The following CSNK1G1 variants were observed in gnomAD, a reference collection of about 807,000 sequenced individuals.
CSNK1G1 encodes casein kinase 1 gamma 1.
Under a neutral mutation model 59.6 loss-of-function variants are expected in CSNK1G1, and 22 were observed. The observed-to-expected ratio is 0.37, with a 90% CI of 0.26 to 0.53. The LOEUF (loss-of-function observed/expected upper bound fraction) is 0.53, where lower values mean the gene tolerates loss of function less well. CSNK1G1 is among the 20% of genes least tolerant of loss of function. The pLI is 0.89. For missense variants in CSNK1G1, 384 were observed against 519.5 expected, an observed-to-expected ratio of 0.74 and a Z score of 2.54; for synonymous variants, 179 against 177.1, an observed-to-expected ratio of 1.01 and a Z score of -0.08.
chr15:64,316,526 ACT>A (rs1380112013), intron 1 of CSNK1G1, among the ~76,000 whole-genome samples: 4 of 122,278 alleles, frequency 3.3e-5, no homozygotes, highest in Middle Eastern at 7.0e-3. Flanking sequence ...AGAGAGCAAG[ACT>A]CTGTCTCAAA....
chr15:64,233,607 A>G (rs1391472813), intron 4 of CSNK1G1, among the ~76,000 whole-genome samples: 4 of 152,220 alleles, frequency 2.6e-5, no homozygotes, highest in African/African-American at 9.6e-5. Context: ...CAGTATCAGA[A>G]ATGTCCTAAA....
chr15:64,307,250 G>T (rs1412857525), intron 1 of CSNK1G1, among the ~76,000 whole-genome samples: 1 of 151,090 alleles, frequency 6.6e-6, no homozygotes, highest in African/African-American at 2.4e-5. Flanking sequence ...AGTGTTGGGG[G>T]ATATAGGGGA....
chr15:64,219,566 C>T (rs554478067), intron 4 of CSNK1G1, among the ~76,000 whole-genome samples: 6 of 152,124 alleles, frequency 3.9e-5, no homozygotes, highest in Non-Finnish European at 8.8e-5. Flanking sequence ...CCAAGCAATC[C>T]TCCTGCCTCA....
chr15:64,213,966 T>C lies in CSNK1G1; in HGVS notation c.603A>G (p.Lys201=). The C allele has an allele frequency of 1.9e-6, 3 of 1,614,090 alleles. No homozygotes were observed. Among genetic ancestry groups the C allele is most frequent in the Non-Finnish European group, 2.5e-6 (3 of 1,179,934 alleles). The change falls in exon 6 of 12, where the codon AAA becomes AAG. Residue 201 remains lysine, a synonymous_variant. Coordinates refer to ENST00000303052, the MANE Select transcript of CSNK1G1 (RefSeq NM_022048.5). ...TTTTGTGTTCCCTATAAGGTATGTGTTTTTTGGTTTCGGGGTCAATGTATT... is the reference window on the plus strand; with the variant it reads ...TTTTGTGTTCCCTATAAGGTATGTGCTTTTTGGTTTCGGGGTCAATGTATT... ...AKEYIDPETK[K]HIPYREHKSL... is the part of the protein sequence containing the mutation.
chr15:64,310,202 T>G (rs1895916320), intron 1 of CSNK1G1, among the ~76,000 whole-genome samples: 1 of 152,116 alleles, frequency 6.6e-6, no homozygotes, highest in Non-Finnish European at 1.5e-5. Flanking sequence ...AGTCAGCTAT[T>G]TCATTTTTTC....
chr15:64,321,546 C>G (rs2176049), intron 1 of CSNK1G1, among the ~76,000 whole-genome samples: 147,211 of 152,280 alleles, frequency 0.97, 71,316 homozygotes, highest in East Asian at 1. Context: ...TTACAGGCAC[C>G]AGCCATCGCA....
rs1477423151 is a variant in CSNK1G1, at chr15:64,171,266, A to G, written c.*665T>C. 2 of 152,672 alleles carry G rather than the reference A, an allele frequency of 1.3e-5. No individual in the cohort carries two copies. The highest frequency in any genetic ancestry group is 4.8e-5 in the African/African-American group (2 of 41,456). 9.5% of individuals were successfully genotyped at this position (152,672 alleles called of 1,614,324 possible). Reference sequence around the variant, plus strand: ...GAGAAAAGAGTTTGTCAAAAAAGCTAAGAACGCCAACACACAGGGACAGTA... The same window carrying G: ...GAGAAAAGAGTTTGTCAAAAAAGCTGAGAACGCCAACACACAGGGACAGTA... On this transcript the variant is annotated 3_prime_UTR_variant, in exon 12 of 12. Transcript: ENST00000303052. The surrounding 1 kb of genome is among the most constrained non-coding windows in gnomAD (Gnocchi z 4.8).
At chr15:64,352,444 C>CTTTTTTTTTTTTTTTTTTTTTTTT (rs1566958692) in intron 1 of CSNK1G1, among the ~76,000 whole-genome samples, 1 of 79,922 alleles carries the variant, frequency 1.3e-5, no homozygotes, top group Non-Finnish European at 2.7e-5. Flanking sequence ...AATTTGAATT[C>CTTTTTTTTTTTTTTTTTTTTTTTT]TTCTTTTTTT....
In CSNK1G1 at chr15:64,297,823, C is replaced by T. The variant is rs142994418; in HGVS notation, c.181+2496G>A. ...TAGCCATGATGTAGGCTGACTGCAC[C>T]TGCCTTGACTTTGGAATTTTGTAGT... On this transcript the variant is annotated intron_variant, in intron 2 of 11. Transcript: ENST00000303052. 1.8e-3 allele frequency among the ~76,000 whole-genome samples: 277 copies of T among 152,254 alleles called. 1 individual carries two copies. The highest frequency in any genetic ancestry group is 6.0e-3 in the African/African-American group (248 of 41,544).
intron 1 of CSNK1G1, among the ~76,000 whole-genome samples, chr15:64,305,110 C>T (rs1895596437): frequency 6.6e-6 from 1 of 152,050 alleles, no homozygotes; most frequent in Non-Finnish European, 1.5e-5. Flanking sequence ...CTAAGAAACA[C>T]CCCAACAAAT....
At chr15:64,174,718 T>A in intron 11 of CSNK1G1, among the ~76,000 whole-genome samples, 1 of 152,214 alleles carries the variant, frequency 6.6e-6, no homozygotes, top group Middle Eastern at 3.2e-3. Context: ...ACCTTTTCCA[T>A]ATGGCATTCT....
At chr15:64,258,575 A>C (rs2140329001) in intron 3 of CSNK1G1, among the ~76,000 whole-genome samples, 1 of 152,268 alleles carries the variant, frequency 6.6e-6, no homozygotes, top group East Asian at 1.9e-4. Context: ...ATTTCACATG[A>C]AAAAATGGTT....
intron 2 of CSNK1G1, among the ~76,000 whole-genome samples, chr15:64,293,413 C>CA (rs1407133850): frequency 2.0e-5 from 3 of 152,216 alleles, no homozygotes; most frequent in Non-Finnish European, 4.4e-5. Context: ...TTTCCCCTAT[C>CA]AGACTGTCAT....
chr15:64,298,875 CA>C (rs538363993), intron 2 of CSNK1G1, among the ~76,000 whole-genome samples: 377 of 127,416 alleles, frequency 3.0e-3, no homozygotes, highest in Admixed American at 2.9e-3. Context: ...CACAAAAATA[CA>C]AAAAAAAAAA....
chr15:64,339,639 T>G (rs1897586255), intron 1 of CSNK1G1, among the ~76,000 whole-genome samples: 1 of 152,132 alleles, frequency 6.6e-6, no homozygotes, highest in East Asian at 1.9e-4. Flanking sequence ...TCCAGAAAAT[T>G]CCAATACATG....
At chr15:64,311,147 G>A (rs961528201) in intron 1 of CSNK1G1, among the ~76,000 whole-genome samples, 5 of 151,814 alleles carry the variant, frequency 3.3e-5, no homozygotes, top group Admixed American at 1.3e-4. Flanking sequence ...TCCACCTCCC[G>A]GGATTCTCCT....
intron 4 of CSNK1G1, among the ~76,000 whole-genome samples, chr15:64,249,774 T>C (rs1283805146): frequency 2.6e-5 from 4 of 152,244 alleles, no homozygotes; most frequent in Non-Finnish European, 4.4e-5. Flanking sequence ...TTCAAGAGCT[T>C]GCAATTTTCT....
At chr15:64,313,557 A>T (rs2140426004) in intron 1 of CSNK1G1, among the ~76,000 whole-genome samples, 1 of 152,284 alleles carries the variant, frequency 6.6e-6, no homozygotes, top group Admixed American at 6.5e-5. Context: ...CAATGAGAAC[A>T]CATGGACACA....
intron 10 of CSNK1G1, among the ~76,000 whole-genome samples, chr15:64,202,276 T>A (rs2082118585): frequency 6.6e-6 from 1 of 152,164 alleles, no homozygotes; most frequent in South Asian, 2.1e-4. Context: ...AAGTCCAAAG[T>A]ACCTACCATT....
Sources: allele counts gnomAD v4.1 joint callset (sites outside exome capture counted in the v4.1 genomes callset), GRCh38; gene constraint gnomAD v4.1.1; non-coding constraint Gnocchi (gnomAD v3.1); transcripts MANE v1.5; gene names NCBI Gene and HGNC (gene_info 2026-07-23, HGNC 2026-07-21).